The following VPS53 variants were observed in gnomAD, a reference collection of about 807,000 sequenced individuals.
VPS53 encodes VPS53 subunit of GARP complex.
A neutral mutation model predicts 107.0 loss-of-function variants in VPS53; 70 were observed. That is an observed-to-expected ratio of 0.65 (90% CI 0.54 to 0.80). The LOEUF (loss-of-function observed/expected upper bound fraction) is 0.80. Among genes scored for constraint, VPS53 ranks in the 30% least tolerant of loss-of-function variants. The pLI, the probability that VPS53 is intolerant of heterozygous loss-of-function variation, is 0.00. For missense variants in VPS53, 917 were observed against 1,049.4 expected (o/e 0.87, Z 1.74); for synonymous variants, 409 against 393.3 (o/e 1.04, Z -0.47).
intron 12 of VPS53, among the ~76,000 whole-genome samples, chr17:596,653 TC>T (rs1432051848): frequency 1.3e-5 from 2 of 152,216 alleles, no homozygotes; most frequent in Non-Finnish European, 2.9e-5. Flanking sequence ...CTTACTTTTT[TC>T]CTGCAGGGCT....
chr17:662,984 T>C lies in VPS53; in HGVS notation c.286-1089A>G, dbSNP rs567642821. 9.8e-4 allele frequency among the ~76,000 whole-genome samples: 148 copies of C among 151,624 alleles called. 1 individual carries two copies. The highest frequency in any genetic ancestry group is 3.2e-3 in the African/African-American group (133 of 41,312). On this transcript the variant is annotated intron_variant, in intron 4 of 21. Transcript: ENST00000437048. ...CACTTCAGAGGCTGAGGCAGGAGGATTGCTTGAGCCCAGGAGTTCAAGACT... is the reference window on the plus strand; with the variant it reads ...CACTTCAGAGGCTGAGGCAGGAGGACTGCTTGAGCCCAGGAGTTCAAGACT...
chr17:598,678 T>C (rs1597362839), intron 12 of VPS53, among the ~76,000 whole-genome samples: 3 of 120,462 alleles, frequency 2.5e-5, no homozygotes, highest in Admixed American at 8.5e-5. Flanking sequence ...TGAGGAGCAT[T>C]TCTGCCCGGC....
At chr17:566,745 G>A (rs537231889) in intron 13 of VPS53, among the ~76,000 whole-genome samples, 80 of 151,418 alleles carry the variant, frequency 5.3e-4, no homozygotes, top group Non-Finnish European at 8.6e-4. Context: ...TTTTGTTTTT[G>A]TTTTTTGCTT....
intron 7 of VPS53, among the ~76,000 whole-genome samples, chr17:641,872 G>A (rs1288669725): frequency 6.6e-6 from 1 of 152,138 alleles, no homozygotes; most frequent in Non-Finnish European, 1.5e-5. Flanking sequence ...CCCCAAATGG[G>A]TCACTCTTCA....
In VPS53 at chr17:590,315, G is replaced by A. The variant is rs528813217; in HGVS notation, c.1219-3951C>T. On this transcript the variant is annotated intron_variant, in intron 12 of 21. Transcript: ENST00000437048. The stretch of plus-strand genomic sequence containing the variant: ...GGTTTTCTAGATATACAATCATGTC[G>A]TCTGCAAACAGGGACAATTTGACTT... Among the ~76,000 whole-genome samples, 345 of 152,192 alleles carry A rather than the reference G, an allele frequency of 2.3e-3. 2 individuals are homozygous for A. The highest frequency in any genetic ancestry group is 7.6e-3 in the African/African-American group (316 of 41,530).
intron 1 of VPS53, 42 bp from the exon 2 acceptor site, chr17:710,655 A>C (rs775437487): frequency 7.2e-7 from 1 of 1,393,002 alleles, no homozygotes; most frequent in African/African-American, 1.4e-5. Flanking sequence ...CATGTAGTAT[A>C]CCGTAAATAT....
intron 11 of VPS53, among the ~76,000 whole-genome samples, chr17:617,781 A>C (rs1969219076): frequency 6.9e-6 from 1 of 144,488 alleles, no homozygotes; most frequent in Non-Finnish European, 1.5e-5. Context: ...TTTCCCGGGT[A>C]GCTGGGACTA....
chr17:537,757 C>T (rs1023966287), intron 17 of VPS53: 2 of 152,538 alleles, frequency 1.3e-5, no homozygotes, highest in African/African-American at 2.4e-5. Flanking sequence ...GATCGTGAAG[C>T]TGAGTGACAG....
intron 4 of VPS53, among the ~76,000 whole-genome samples, chr17:672,109 GACACACACACACACACACAC>G (rs10630363): frequency 2.7e-4 from 29 of 108,890 alleles, no homozygotes; most frequent in Non-Finnish European, 4.5e-4. Context: ...TGATGAGGGT[GACACACACACACACACACAC>G]ACACACACAC....
intron 13 of VPS53, 119 bp from the exon 14 acceptor site, chr17:562,864 A>T (rs1913154796): frequency 1.7e-6 from 2 of 1,191,608 alleles, no homozygotes. Context: ...TGCATTTAAA[A>T]CTTAAAATCG....
At chr17:665,013 G>A (rs77573590) in intron 4 of VPS53, among the ~76,000 whole-genome samples, 8,178 of 152,178 alleles carry the variant, frequency 0.054, 293 homozygotes, top group Middle Eastern at 0.15. Flanking sequence ...TACGTTACGG[G>A]TGCCTGTGCT....
intron 13 of VPS53, among the ~76,000 whole-genome samples, chr17:572,517 T>C (rs1914257880): frequency 6.6e-6 from 1 of 151,810 alleles, no homozygotes; most frequent in Non-Finnish European, 1.5e-5. Context: ...GCCCAGCGCG[T>C]CTGGGACGTG....
At chr17:529,398 T>TCTCA (rs1555547310) in intron 19 of VPS53, among the ~76,000 whole-genome samples, 3 of 150,200 alleles carry the variant, frequency 2.0e-5, no homozygotes, top group South Asian at 2.1e-4. Context: ...ACACACACAC[T>TCTCA]CACACACACA....
At chr17:564,969 T>G (rs1913355449) in intron 13 of VPS53, among the ~76,000 whole-genome samples, 1 of 152,148 alleles carries the variant, frequency 6.6e-6, no homozygotes, top group Admixed American at 6.5e-5. Flanking sequence ...AGGTTGCCGT[T>G]TAAGGCTATA....
rs1973219436 is a variant in VPS53 at position 702,031 on chromosome 17, A to T, written c.169-2651T>A. Among the ~76,000 whole-genome samples the T allele has an allele frequency of 4.6e-5, 7 of 152,308 alleles. No homozygotes were observed. The South Asian group carries it at 1.4e-3, about 32-fold the overall frequency. The stretch of plus-strand genomic sequence containing the variant: ...GGCATGAGGCAGTGCACCCGGCCCT[A>T]TAATATCATTTTTATAATATAATGA... On this transcript the variant is annotated intron_variant, in intron 2 of 21. Coordinates refer to ENST00000437048, the MANE Select transcript of VPS53 (RefSeq NM_001128159.3).
intron 4 of VPS53, among the ~76,000 whole-genome samples, chr17:663,324 C>T (rs1335312944): frequency 6.6e-6 from 1 of 152,208 alleles, no homozygotes; most frequent in Non-Finnish European, 1.5e-5. Flanking sequence ...GGAGGGGAAG[C>T]AACATGAGGG....
At chr17:663,104 G>A (rs1463492130) in intron 4 of VPS53, among the ~76,000 whole-genome samples, 1 of 152,126 alleles carries the variant, frequency 6.6e-6, no homozygotes, top group African/African-American at 2.4e-5. Context: ...TTGGGAGGCT[G>A]AGGTGGGAAG....
chr17:537,070 GA>G lies in VPS53; in HGVS notation c.1972del (p.Ser658ProfsTer46), dbSNP rs765237562. 3.7e-6 allele frequency: 6 copies of G among 1,614,214 alleles called. No individual in the cohort carries two copies. In the East Asian group the frequency reaches 1.1e-4, roughly 30 times the overall value. The part of the protein sequence containing the change: ...NVPIIRDNLA[S>X]TRKYFTQFCV... ...GAACTGAGTGAAGTACTTGCGTGTG[GA>G]AGCCAGGTTGTCACGGATGATGGGG... On this transcript the variant is annotated frameshift_variant, in exon 18 of 22. Transcript: ENST00000437048. LOFTEE classifies it high-confidence loss of function.
At chr17:633,649 G>C (rs915307758) in intron 7 of VPS53, among the ~76,000 whole-genome samples, 1 of 152,092 alleles carries the variant, frequency 6.6e-6, no homozygotes, top group African/African-American at 2.4e-5. Flanking sequence ...ACCACTCTTA[G>C]AGGTGGGTTT....
Sources: gnomAD v4.1 joint callset for allele counts (sites outside exome capture counted in the v4.1 genomes callset) on GRCh38, gnomAD v4.1.1 for gene constraint, MANE v1.5 for transcripts, NCBI Gene and HGNC (gene_info 2026-07-23, HGNC 2026-07-21) for gene names.